PRLR: variants seen among roughly 807,000 people sequenced by gnomAD.
PRLR encodes the protein hPRL receptor.
Under a neutral mutation model 40.2 loss-of-function variants are expected in PRLR, and 13 were observed. The ratio of observed to expected loss-of-function variants is 0.32; its 90% CI spans 0.21 to 0.51. PRLR has a LOEUF of 0.51. Ranked by LOEUF, PRLR falls within the 20% of genes least tolerant of loss-of-function variation. The pLI, the probability that PRLR is intolerant of heterozygous loss-of-function variation, is 0.97. For missense variants in PRLR, 656 were observed against 747.3 expected (o/e 0.88, Z 1.42); for synonymous variants, 269 against 278.7 (o/e 0.97, Z 0.35).
intron 2 of PRLR, among the ~76,000 whole-genome samples, chr5:35,095,236 A>G (rs956451560): frequency 2.6e-5 from 4 of 152,210 alleles, no homozygotes; most frequent in Non-Finnish European, 5.9e-5. Context: ...TAGATATTAC[A>G]TACCAGGCTA....
intron 1 of PRLR, among the ~76,000 whole-genome samples, chr5:35,192,118 A>G (rs184045866): frequency 1.8e-3 from 281 of 152,298 alleles, no homozygotes; most frequent in African/African-American, 6.6e-3. Flanking sequence ...TCGTGTCCAC[A>G]TACTTCTTGG....
chr5:35,094,824 CT>C (rs143791323), intron 2 of PRLR, among the ~76,000 whole-genome samples: 2,214 of 113,994 alleles, frequency 0.019, 35 homozygotes, highest in African/African-American at 0.059. Flanking sequence ...AGGAGTTGGG[CT>C]TTTTTTTTTT....
chr5:35,110,455 T>G (rs1382149295), intron 2 of PRLR, among the ~76,000 whole-genome samples: 1 of 152,146 alleles, frequency 6.6e-6, no homozygotes, highest in Non-Finnish European at 1.5e-5. Context: ...AATTCCTTAT[T>G]AAGCATCTTT....
intron 1 of PRLR, among the ~76,000 whole-genome samples, chr5:35,224,845 T>TG (rs1776511603): frequency 6.6e-6 from 1 of 152,182 alleles, no homozygotes. Flanking sequence ...CTCTTTTTTT[T>TG]GAAATAAATG....
intron 1 of PRLR, among the ~76,000 whole-genome samples, chr5:35,141,332 C>G (rs1774019514): frequency 6.6e-6 from 1 of 152,000 alleles, no homozygotes; most frequent in Non-Finnish European, 1.5e-5. Flanking sequence ...GACACACTAT[C>G]CTAAGGCTCA....
intron 1 of PRLR, among the ~76,000 whole-genome samples, chr5:35,203,497 A>T (rs1207573430): frequency 1.3e-5 from 2 of 152,136 alleles, no homozygotes; most frequent in African/African-American, 4.8e-5. Flanking sequence ...TGAATTTGAA[A>T]TCATCACAGG....
chr5:35,122,717 G>A (rs748619174), intron 1 of PRLR, among the ~76,000 whole-genome samples: 18 of 152,206 alleles, frequency 1.2e-4, no homozygotes, highest in African/African-American at 1.9e-4. Flanking sequence ...TGCATGTGGA[G>A]CTCTTGAATG....
At chr5:35,049,797 T>C (rs553740608) in intron 8 of PRLR, among the ~76,000 whole-genome samples, 5 of 152,306 alleles carry the variant, frequency 3.3e-5, no homozygotes, top group Admixed American at 1.3e-4. Context: ...GATAAGTTCC[T>C]TGAAGAAGGA....
rs1038913282 is a variant in PRLR, at chr5:35,197,045, T to A, written c.-106+33223A>T. On this transcript the variant is annotated intron_variant, in intron 1 of 9. Transcript: ENST00000618457. ...TATTGGGGGTTAGGATTTCAACATA[T>A]GAATTTTGAGGGGAACACAATATTC... Among the ~76,000 whole-genome samples the A allele has an allele frequency of 2.0e-5, 3 of 152,350 alleles. No individual in the cohort carries two copies. The East Asian group carries it at 5.8e-4, about 29-fold the overall frequency.
intron 1 of PRLR, among the ~76,000 whole-genome samples, chr5:35,156,498 A>C (rs1374147604): frequency 6.6e-6 from 1 of 152,228 alleles, no homozygotes; most frequent in East Asian, 1.9e-4. Context: ...ATGACCTACA[A>C]GACTCTCCAG....
At chr5:35,189,981 C>CT (rs1775557622) in intron 1 of PRLR, among the ~76,000 whole-genome samples, 1 of 152,114 alleles carries the variant, frequency 6.6e-6, no homozygotes, top group Admixed American at 6.5e-5. Flanking sequence ...GCACAGGAGC[C>CT]TCCCTGTTTA....
intron 2 of PRLR, among the ~76,000 whole-genome samples, chr5:35,091,792 C>CAT (rs1771230874): frequency 6.6e-6 from 1 of 152,248 alleles, no homozygotes; most frequent in Non-Finnish European, 1.5e-5. Context: ...TCATTAGGTA[C>CAT]ATATAGCCCC....
chr5:35,138,739 G>A (rs549417272), intron 1 of PRLR, among the ~76,000 whole-genome samples: 13 of 152,258 alleles, frequency 8.5e-5, no homozygotes, highest in African/African-American at 1.4e-4. Flanking sequence ...CAGGTTTCTG[G>A]ATCATTCAGA....
At chr5:35,078,273 T>C (rs905003054) in intron 5 of PRLR, among the ~76,000 whole-genome samples, 16 of 152,244 alleles carry the variant, frequency 1.1e-4, no homozygotes, top group Admixed American at 8.5e-4. Context: ...GGAGCGGTTT[T>C]TTGAAAAGAT....
chr5:35,138,434 GTTTTTTATT>G (rs1360648657), intron 1 of PRLR, among the ~76,000 whole-genome samples: 2 of 152,154 alleles, frequency 1.3e-5, no homozygotes, highest in Non-Finnish European at 2.9e-5. Flanking sequence ...CAGTCAGGAA[GTTTTTTATT>G]TTTTGATTTG....
At chr5:35,096,745 A>G (rs1771557071) in intron 2 of PRLR, among the ~76,000 whole-genome samples, 1 of 151,732 alleles carries the variant, frequency 6.6e-6, no homozygotes, top group African/African-American at 2.4e-5. Context: ...CTTAGTCACC[A>G]GAGTAGCTGA....
intron 1 of PRLR, among the ~76,000 whole-genome samples, chr5:35,176,680 G>A (rs950403384): frequency 9.2e-5 from 14 of 152,260 alleles, no homozygotes; most frequent in Admixed American, 2.0e-4. Flanking sequence ...CAAAAACTGC[G>A]GAAGGCCGCA....
intron 1 of PRLR, among the ~76,000 whole-genome samples, chr5:35,139,295 C>T (rs13181984): frequency 0.21 from 31,638 of 151,926 alleles, 5,958 homozygotes; most frequent in African/African-American, 0.5. Context: ...CCACCACACC[C>T]AGCTAATTTT....
At position 35,059,766 on chromosome 5, in the gene PRLR, T is replaced by TCTCTGAAG. The variant is rs1768920821; in HGVS notation, c.*5315_*5322dup. 6.6e-6 allele frequency: 1 copy of TCTCTGAAG among 152,204 alleles called. No individual in the cohort carries two copies. Among genetic ancestry groups the TCTCTGAAG allele is most frequent in the Non-Finnish European group, 1.5e-5 (1 of 68,040 alleles). 9.4% of individuals were successfully genotyped at this position (152,204 alleles called of 1,614,324 possible). Reference sequence around the variant, plus strand: ...TCAGATCATAATTATAAATAGGATTTCTCTGAAGCAATCAATCTGTATTTT... The same window carrying TCTCTGAAG: ...TCAGATCATAATTATAAATAGGATTTCTCTGAAGCTCTGAAGCAATCAATCTGTATTTT... On this transcript the variant is annotated 3_prime_UTR_variant, in exon 10 of 10. Coordinates refer to ENST00000618457, the MANE Select transcript of PRLR (RefSeq NM_000949.7).
Sources: allele counts gnomAD v4.1 joint callset (sites outside exome capture counted in the v4.1 genomes callset), GRCh38; gene constraint gnomAD v4.1.1; transcripts MANE v1.5; gene names NCBI Gene and HGNC (gene_info 2026-07-23, HGNC 2026-07-21).